Variants in AUTS2 observed in about 807,000 individuals in gnomAD.
AUTS2 encodes the protein autism susceptibility gene 2 protein.
AUTS2 carries 17 observed loss-of-function variants against 112.4 expected under a neutral mutation model. The ratio of observed to expected loss-of-function variants is 0.15; its 90% CI spans 0.10 to 0.23. The LOEUF is 0.23. Among genes scored for constraint, AUTS2 ranks in the 10% least tolerant of loss-of-function variants. The pLI, the probability that AUTS2 is intolerant of heterozygous loss-of-function variation, is 1.00. For missense variants in AUTS2, 1,510 were observed against 1,701.6 expected (o/e 0.89, Z 1.98); for synonymous variants, 751 against 702.7 (o/e 1.07, Z -1.09).
chr7:70,175,839 A>C (rs1048676646), intron 4 of AUTS2, among the ~76,000 whole-genome samples: 4 of 152,340 alleles, frequency 2.6e-5, no homozygotes, highest in Non-Finnish European at 5.9e-5. Context: ...TTAGTTTTAG[A>C]CATAATGCTA....
At chr7:70,384,769 G>A (rs1793532875) in intron 4 of AUTS2, among the ~76,000 whole-genome samples, 2 of 152,222 alleles carry the variant, frequency 1.3e-5, no homozygotes, top group Non-Finnish European at 2.9e-5. Context: ...TTGGCGTTGG[G>A]TAGTGGACAG....
chr7:69,867,336 A>G (rs939739182), intron 1 of AUTS2, among the ~76,000 whole-genome samples: 7 of 152,090 alleles, frequency 4.6e-5, no homozygotes, highest in South Asian at 2.1e-4. Flanking sequence ...TTGCTCACCT[A>G]CTCAAATTGA....
intron 4 of AUTS2, among the ~76,000 whole-genome samples, chr7:70,327,453 T>A (rs1790543563): frequency 6.6e-6 from 1 of 152,234 alleles, no homozygotes; most frequent in Non-Finnish European, 1.5e-5. Context: ...GTTCTTCAGA[T>A]ATGACATTGT....
intron 5 of AUTS2, among the ~76,000 whole-genome samples, chr7:70,563,010 T>G (rs912025180): frequency 6.6e-6 from 1 of 152,154 alleles, no homozygotes. Flanking sequence ...CTTTGTGGGA[T>G]CTTTAAGGGT....
At chr7:70,427,717 A>G (rs551866212) in intron 4 of AUTS2, among the ~76,000 whole-genome samples, 4 of 152,198 alleles carry the variant, frequency 2.6e-5, no homozygotes, top group Non-Finnish European at 5.9e-5. Context: ...TTACCTGAAC[A>G]TTGTTGGTTG....
At chr7:69,826,927 A>G (rs1467825305) in intron 1 of AUTS2, among the ~76,000 whole-genome samples, 1 of 152,160 alleles carries the variant, frequency 6.6e-6, no homozygotes, top group African/African-American at 2.4e-5. Flanking sequence ...AAGGAAGTCT[A>G]GGATAAAAAT....
At chr7:69,959,324 A>G (rs538028759) in intron 2 of AUTS2, among the ~76,000 whole-genome samples, 1 of 152,286 alleles carries the variant, frequency 6.6e-6, no homozygotes, top group South Asian at 2.1e-4. Flanking sequence ...TTACTTACAG[A>G]ATACTCTCAT....
chr7:70,392,701 G>A (rs544759656), intron 4 of AUTS2, among the ~76,000 whole-genome samples: 1 of 152,130 alleles, frequency 6.6e-6, no homozygotes, highest in Non-Finnish European at 1.5e-5. Context: ...GCCTGCCTCC[G>A]CTTGCTAACT....
intron 2 of AUTS2, among the ~76,000 whole-genome samples, chr7:69,939,724 C>T (rs1796550537): frequency 6.6e-6 from 1 of 152,200 alleles, no homozygotes; most frequent in Non-Finnish European, 1.5e-5. Context: ...GCATAAGGTA[C>T]TGTGTCTTCT....
intron 4 of AUTS2, among the ~76,000 whole-genome samples, chr7:70,396,111 A>G (rs77728977): frequency 0.017 from 2,655 of 152,254 alleles, 82 homozygotes; most frequent in African/African-American, 0.061. Flanking sequence ...ATAAGTTTTG[A>G]TCAAAGTACC....
intron 5 of AUTS2, among the ~76,000 whole-genome samples, chr7:70,580,723 A>G (rs1802394455): frequency 6.6e-6 from 1 of 152,206 alleles, no homozygotes; most frequent in African/African-American, 2.4e-5. Context: ...TGGGAACACT[A>G]CAAACCTTCA....
At chr7:70,495,177 G>A (rs555324910) in intron 5 of AUTS2, among the ~76,000 whole-genome samples, 72 of 149,172 alleles carry the variant, frequency 4.8e-4, no homozygotes, top group African/African-American at 1.6e-3. Context: ...GGGAGAGAGT[G>A]AGGGAACAGT....
intron 4 of AUTS2, among the ~76,000 whole-genome samples, chr7:70,418,797 T>C (rs1362629998): frequency 3.3e-5 from 5 of 151,948 alleles, no homozygotes; most frequent in African/African-American, 1.2e-4. Flanking sequence ...AAAATAAAAG[T>C]GACCCAAACT....
At chr7:69,649,245 A>G (rs1016035247) in intron 1 of AUTS2, among the ~76,000 whole-genome samples, 1 of 152,194 alleles carries the variant, frequency 6.6e-6, no homozygotes, top group African/African-American at 2.4e-5. Context: ...AGCCAAAACA[A>G]AACAAAAACG....
chr7:69,991,095 A>G (rs928248391), intron 2 of AUTS2, among the ~76,000 whole-genome samples: 3 of 152,184 alleles, frequency 2.0e-5, no homozygotes, highest in African/African-American at 7.2e-5. Context: ...GTAAAAATGA[A>G]AGAGAGTCTG....
intron 2 of AUTS2, among the ~76,000 whole-genome samples, chr7:70,010,229 C>G (rs1799734160): frequency 6.6e-6 from 1 of 152,042 alleles, no homozygotes; most frequent in South Asian, 2.1e-4. Flanking sequence ...CACTGCAGCC[C>G]TGACCTCCTG....
intron 1 of AUTS2, among the ~76,000 whole-genome samples, chr7:69,604,383 T>C (rs1039567572): frequency 1.3e-5 from 2 of 152,186 alleles, no homozygotes; most frequent in African/African-American, 4.8e-5. Context: ...ACTAAGAATA[T>C]AGAGAAACCA....
intron 2 of AUTS2, among the ~76,000 whole-genome samples, chr7:69,931,849 C>T (rs13229256): frequency 0.16 from 24,549 of 152,170 alleles, 2,023 homozygotes; most frequent in Middle Eastern, 0.21. Context: ...TGTCAGGCAG[C>T]CTGCTAATTT....
chr7:70,339,400 A>G lies in AUTS2; in HGVS notation c.661-96352A>G, dbSNP rs1791152901. Among the ~76,000 whole-genome samples, 3 of 152,226 alleles carry G rather than the reference A, an allele frequency of 2.0e-5. No individual in the cohort carries two copies. The South Asian group carries it at 6.2e-4, about 32-fold the overall frequency. The stretch of plus-strand genomic sequence containing the variant: ...GTTATCCAAAACAACGTGCTAATTT[A>G]TTCAACACAGAAATATAAGTAATAC... On this transcript the variant is annotated intron_variant, in intron 4 of 18. Coordinates refer to ENST00000342771, the MANE Select transcript of AUTS2 (RefSeq NM_015570.4).
Sources: allele counts gnomAD v4.1 joint callset (sites outside exome capture counted in the v4.1 genomes callset), GRCh38; gene constraint gnomAD v4.1.1; transcripts MANE v1.5; gene names NCBI Gene and HGNC (gene_info 2026-07-23, HGNC 2026-07-21).